ARHGEF33: variants seen among roughly 807,000 people sequenced by gnomAD.
The protein encoded by ARHGEF33 is DH and coiled-coil domain-containing protein ENSP00000381780.
In ARHGEF33, 72 loss-of-function variants were observed where a neutral mutation model predicts 101.9. That is an observed-to-expected ratio of 0.71 (90% CI 0.58 to 0.86). The LOEUF is 0.86. Among genes scored for constraint, ARHGEF33 ranks in the 40% least tolerant of loss-of-function variants. The pLI is 0.00. For synonymous variants in ARHGEF33, 499 were observed against 442.5 expected (o/e 1.13, Z -1.60); for missense variants, 1,169 against 1,111.3 (o/e 1.05, Z -0.74).
chr2:38,891,857 T>A (rs1367097994), intron 1 of ARHGEF33, among the ~76,000 whole-genome samples: 2 of 151,846 alleles, frequency 1.3e-5, no homozygotes, highest in African/African-American at 2.4e-5. Context: ...ACCTTGGGAG[T>A]CATGGAAGGA....
chr2:38,955,481 CTTT>C (rs3085350), intron 13 of ARHGEF33, among the ~76,000 whole-genome samples: 86 of 71,184 alleles, frequency 1.2e-3, no homozygotes, highest in African/African-American at 4.7e-3. Flanking sequence ...ATTGAAAAGA[CTTT>C]TTTTTTTTTT....
intron 7 of ARHGEF33, among the ~76,000 whole-genome samples, chr2:38,933,996 T>G (rs114628772): frequency 1.3e-5 from 2 of 152,180 alleles, no homozygotes; most frequent in African/African-American, 2.4e-5. Flanking sequence ...CTTTCCCCAC[T>G]CAAGAAACTC....
intron 4 of ARHGEF33, among the ~76,000 whole-genome samples, chr2:38,923,272 C>G (rs753869858): frequency 1.3e-5 from 2 of 151,902 alleles, no homozygotes; most frequent in Non-Finnish European, 2.9e-5. Flanking sequence ...TTCCTAAGCC[C>G]CAGTCTGTTT....
rs553758627 is a variant in ARHGEF33, at chr2:38,974,253, C to G, written c.*410C>G. Reference sequence around the variant, plus strand: ...GCTTCCTAGGCATTTAACTTATTAACTCATCCAGTGTTCTTAAACTAATAT... The same window carrying G: ...GCTTCCTAGGCATTTAACTTATTAAGTCATCCAGTGTTCTTAAACTAATAT... On this transcript the variant is annotated 3_prime_UTR_variant, in exon 18 of 18. Transcript: ENST00000409978. 3.9e-5 allele frequency: 6 copies of G among 152,500 alleles called. 1 individual carries two copies. In the South Asian group the frequency reaches 1.2e-3, roughly 32 times the overall value. The allele number at this position is 152,500 out of a possible 1,614,324, so 9.4% of individuals were successfully genotyped here. A position where few individuals can be genotyped will look rare whatever the true frequency, so the allele number is the denominator to read the frequency against.
At chr2:38,903,102 A>G (rs772061285) in intron 2 of ARHGEF33, among the ~76,000 whole-genome samples, 4 of 152,208 alleles carry the variant, frequency 2.6e-5, no homozygotes, top group Non-Finnish European at 5.9e-5. Flanking sequence ...CATATCCCTT[A>G]TAGCCCAGGA....
intron 7 of ARHGEF33, among the ~76,000 whole-genome samples, chr2:38,934,384 C>T (rs571081124): frequency 1.3e-4 from 20 of 152,142 alleles, no homozygotes; most frequent in Admixed American, 3.3e-4. Context: ...TTGTTACCCT[C>T]GACTTCTCCC....
At chr2:38,896,944 C>T (rs569547118) in intron 2 of ARHGEF33, among the ~76,000 whole-genome samples, 1 of 152,222 alleles carries the variant, frequency 6.6e-6, no homozygotes, top group East Asian at 1.9e-4. Flanking sequence ...GAGACTGAGT[C>T]TCACTCTGTC....
In ARHGEF33 at chr2:38,935,644, C is replaced by CT. The variant is rs5830547; in HGVS notation, c.506-123dup. On this transcript the variant is annotated intron_variant, in intron 7 of 17. Coordinates refer to ENST00000409978, the MANE Select transcript of ARHGEF33 (RefSeq NM_001145451.5). The stretch of plus-strand genomic sequence containing the variant: ...CACTTGCCACACTATACTGTAATTT[C>CT]TTTTTTTTACTGCTCTGCCTCCCCC... 1.1e-3 allele frequency: 694 copies of CT among 650,180 alleles called. 5 individuals are homozygous for CT. The highest frequency in any genetic ancestry group is 9.7e-3 in the African/African-American group (526 of 54,362). The allele number at this position is 650,180 out of a possible 1,614,324, so 40.3% of individuals were successfully genotyped here.
At chr2:38,954,593 T>C (rs1667692791) in intron 13 of ARHGEF33, 137 bp downstream of exon 13, 1 of 653,094 alleles carries the variant, frequency 1.5e-6, no homozygotes, top group South Asian at 1.9e-5. Flanking sequence ...TTGTTATGAT[T>C]ACCTGATAAC....
At chr2:38,935,183 G>C (rs1159092356) in intron 7 of ARHGEF33, among the ~76,000 whole-genome samples, 1 of 152,028 alleles carries the variant, frequency 6.6e-6, no homozygotes, top group Non-Finnish European at 1.5e-5. Context: ...GATAGGGTCT[G>C]GTTTATTCTG....
chr2:38,914,939 G>A (rs1000548205), intron 2 of ARHGEF33, among the ~76,000 whole-genome samples: 19 of 151,954 alleles, frequency 1.3e-4, no homozygotes, highest in African/African-American at 4.6e-4. Context: ...AAATAATAAT[G>A]GTCCATTTTT....
intron 12 of ARHGEF33, 148 bp downstream of exon 12, chr2:38,953,393 TA>T: frequency 1.7e-6 from 1 of 605,228 alleles, no homozygotes; most frequent in South Asian, 2.1e-5. Context: ...TACCTGGCAT[TA>T]AAGGAACTCA....
chr2:38,950,622 G>A (rs931226075), intron 10 of ARHGEF33, among the ~76,000 whole-genome samples: 1 of 152,024 alleles, frequency 6.6e-6, no homozygotes, highest in Non-Finnish European at 1.5e-5. Flanking sequence ...GCTAATTTTT[G>A]TATTTTTAGT....
In ARHGEF33 at chr2:38,960,157, T is replaced by A; in HGVS notation, c.1852T>A (p.Tyr618Asn). The A allele has an allele frequency of 6.5e-7, 1 of 1,542,598 alleles. No homozygotes were observed. Among genetic ancestry groups the A allele is most frequent in the Non-Finnish European group, 8.7e-7 (1 of 1,145,106 alleles). ...GCCCGCGGCCTACGAAGAGTTCGAG[T>A]ACGGCGGCGAGATCTTCGCGCTGCC... ...FVPAAYEEFE[Y>N]GGEIFALPAP... The change falls in exon 16 of 18, where the codon TAC becomes AAC. Residue 618 changes from tyrosine to asparagine, a missense_variant. Coordinates refer to ENST00000409978, the MANE Select transcript of ARHGEF33 (RefSeq NM_001145451.5).
chr2:38,940,058 CT>C, intron 9 of ARHGEF33, among the ~76,000 whole-genome samples: 1 of 152,034 alleles, frequency 6.6e-6, no homozygotes, highest in Non-Finnish European at 1.5e-5. Flanking sequence ...TTGAAAATAC[CT>C]TCTGTTTCCC....
chr2:38,898,922 T>C (rs1158242931), intron 2 of ARHGEF33, among the ~76,000 whole-genome samples: 3 of 152,356 alleles, frequency 2.0e-5, no homozygotes, highest in East Asian at 3.8e-4. Flanking sequence ...GGTAGTGCTC[T>C]GAAAGATTCT....
intron 10 of ARHGEF33, among the ~76,000 whole-genome samples, chr2:38,945,067 A>G (rs987704015): frequency 6.6e-6 from 1 of 152,244 alleles, no homozygotes; most frequent in Non-Finnish European, 1.5e-5. Context: ...TGTAATGAAT[A>G]TATAATAATC....
At chr2:38,919,494 G>T (rs1666709367) in intron 3 of ARHGEF33, 22 bp downstream of exon 3, 4 of 1,551,350 alleles carry the variant, frequency 2.6e-6, no homozygotes, top group South Asian at 1.2e-5. Flanking sequence ...CCTATGTCTT[G>T]CTTTAGGACT....
At chr2:38,944,904 C>T (rs1041874252) in intron 10 of ARHGEF33, among the ~76,000 whole-genome samples, 109 of 54,766 alleles carry the variant, frequency 2.0e-3, no homozygotes, top group African/African-American at 8.0e-3. Context: ...TGTGTGTGCG[C>T]GCTCATAGGG....
Sources: gnomAD v4.1 joint callset for allele counts (sites outside exome capture counted in the v4.1 genomes callset) on GRCh38, gnomAD v4.1.1 for gene constraint, MANE v1.5 for transcripts, NCBI Gene and HGNC (gene_info 2026-07-23, HGNC 2026-07-21) for gene names.